CCDC85C: variants seen among roughly 807,000 people sequenced by gnomAD.
The protein encoded by CCDC85C is coiled-coil domain containing 85C.
Under a neutral mutation model 38.3 loss-of-function variants are expected in CCDC85C, and 18 were observed. That is an observed-to-expected ratio of 0.47 (90% CI 0.33 to 0.70). The LOEUF is 0.70. Ranked by LOEUF, CCDC85C falls within the 30% of genes least tolerant of loss-of-function variation. The pLI, the probability that CCDC85C is intolerant of heterozygous loss-of-function variation, is 0.03. For missense variants in CCDC85C, 566 were observed against 621.2 expected (o/e 0.91, Z 0.94); for synonymous variants, 264 against 293.8 (o/e 0.90, Z 1.04).
chr14:99,556,324 G>A (rs1031892637), intron 1 of CCDC85C, among the ~76,000 whole-genome samples: 6 of 152,158 alleles, frequency 3.9e-5, no homozygotes, highest in East Asian at 3.9e-4. Context: ...AGGCTAAGGC[G>A]GGAGGATCAC....
intron 1 of CCDC85C, among the ~76,000 whole-genome samples, chr14:99,598,855 G>A (rs571631575): frequency 1.3e-4 from 20 of 152,340 alleles, no homozygotes; most frequent in African/African-American, 4.8e-4. Context: ...AATTGGGACT[G>A]GGATGCTGTT....
intron 1 of CCDC85C, among the ~76,000 whole-genome samples, chr14:99,546,142 G>A (rs1897803613): frequency 6.6e-6 from 1 of 152,070 alleles, no homozygotes; most frequent in African/African-American, 2.4e-5. Flanking sequence ...AATTTTGCTG[G>A]TTTCAGGAGA....
At chr14:99,536,615 G>A (rs962847574) in intron 1 of CCDC85C, among the ~76,000 whole-genome samples, 3 of 152,210 alleles carry the variant, frequency 2.0e-5, no homozygotes, top group African/African-American at 7.2e-5. Context: ...CACTTCGCCT[G>A]ATCACCCAGG....
At chr14:99,596,547 C>G (rs960023861) in intron 1 of CCDC85C, among the ~76,000 whole-genome samples, 1 of 152,250 alleles carries the variant, frequency 6.6e-6, no homozygotes, top group African/African-American at 2.4e-5. Flanking sequence ...TGCTGAAGAA[C>G]AGGCACCCAT....
chr14:99,521,886 G>GA (rs1337428336), intron 3 of CCDC85C, among the ~76,000 whole-genome samples: 3 of 152,240 alleles, frequency 2.0e-5, no homozygotes, highest in Non-Finnish European at 4.4e-5. Context: ...TGCTCAGAGG[G>GA]ACAGGGGCTA....
chr14:99,516,143 C>G lies in CCDC85C; in HGVS notation c.1170+45G>C. The G allele has an allele frequency of 6.9e-7, 1 of 1,442,846 alleles. No individual in the cohort carries two copies. Among genetic ancestry groups the G allele is most frequent in the Non-Finnish European group, 9.5e-7 (1 of 1,049,230 alleles). 89.4% of individuals were successfully genotyped at this position (1,442,846 alleles called of 1,614,324 possible). A position where few individuals can be genotyped will look rare whatever the true frequency, so the allele number is the denominator to read the frequency against. On this transcript the variant is annotated intron_variant, in intron 5 of 5. Transcript: ENST00000380243. The surrounding 1 kb of genome is among the most constrained non-coding windows in gnomAD (Gnocchi z 5.5). ...TGGCCATGCTGGGTGGCCCTGGTCG[C>G]ACTCCCAGTGCCAAGCCTCTGCCCC...
chr14:99,503,104 AACTCGCAGTCCG>A lies in CCDC85C; in HGVS notation c.*12130_*12141del. On this transcript the variant is annotated 3_prime_UTR_variant, in exon 6 of 6. Transcript: ENST00000380243. ...ACCGGAAGCAGGGGGTGTTCGCCGA[AACTCGCAGTCCG>A]ACTGCTTGTCGGTGGGGAGCCTGAA... is the stretch of plus-strand genomic sequence containing the variant. The A allele has an allele frequency of 8.7e-7, 1 of 1,151,514 alleles. No homozygotes were observed. The highest frequency in any genetic ancestry group is 1.3e-6 in the Non-Finnish European group (1 of 766,258). The allele number at this position is 1,151,514 out of a possible 1,614,324, so 71.3% of individuals were successfully genotyped here.
At chr14:99,524,889 T>C (rs901013642) in intron 2 of CCDC85C, among the ~76,000 whole-genome samples, 2 of 152,092 alleles carry the variant, frequency 1.3e-5, no homozygotes, top group Non-Finnish European at 2.9e-5. Flanking sequence ...CTCGGGTGGC[T>C]CCCTCAGGAC....
At chr14:99,550,393 G>A (rs993797551) in intron 1 of CCDC85C, among the ~76,000 whole-genome samples, 2 of 152,258 alleles carry the variant, frequency 1.3e-5, no homozygotes, top group East Asian at 1.9e-4. Context: ...ACAGGGAAGC[G>A]GGCTCTCCCC....
Position 99,511,602 on chromosome 14 carries a change from C to T in CCDC85C, c.*3644G>A, listed in dbSNP as rs1897132985. 1 of 152,472 alleles carries T rather than the reference C, an allele frequency of 6.6e-6. No individual in the cohort carries two copies. Among genetic ancestry groups the T allele is most frequent in the Admixed American group, 6.5e-5 (1 of 15,278 alleles). 9.4% of individuals were successfully genotyped at this position (152,472 alleles called of 1,614,324 possible). A position where few individuals can be genotyped will look rare whatever the true frequency, so the allele number is the denominator to read the frequency against. On this transcript the variant is annotated 3_prime_UTR_variant, in exon 6 of 6. Coordinates refer to ENST00000380243, the MANE Select transcript of CCDC85C (RefSeq NM_001144995.2). ...AATGTGCAGAGGCCCTCCTTCCAGA[C>T]CCTGGGGACGCGGGAGAGGCCTGGC...
rs1216925615 is a variant in CCDC85C, at chr14:99,501,122, C to T, written c.*14124G>A. 1 of 602,246 alleles carries T rather than the reference C, an allele frequency of 1.7e-6. No homozygotes were observed. The highest frequency in any genetic ancestry group is 1.9e-5 in the African/African-American group (1 of 53,770). The allele number at this position is 602,246 out of a possible 1,614,324, so 37.3% of individuals were successfully genotyped here. A position where few individuals can be genotyped will look rare whatever the true frequency, so the allele number is the denominator to read the frequency against. ...AATGAGGCAGAATTTTTTAAATGGA[C>T]TAATAAACTTAGCCTTGGAGCCAGG... On this transcript the variant is annotated 3_prime_UTR_variant, in exon 6 of 6. Transcript: ENST00000380243.
chr14:99,510,763 G>A lies in CCDC85C; in HGVS notation c.*4483C>T, dbSNP rs762366193. ...ATGCCTCCAGTTGGGGGGCTGGGGC[G>A]GGCAGCCTGGATGAGATAACGTGAG... On this transcript the variant is annotated 3_prime_UTR_variant, in exon 6 of 6. Transcript: ENST00000380243. 3 of 1,463,770 alleles carry A rather than the reference G, an allele frequency of 2.0e-6. No homozygotes were observed. The highest frequency in any genetic ancestry group is 2.7e-6 in the Non-Finnish European group (3 of 1,109,378). The allele number at this position is 1,463,770 out of a possible 1,614,324, so 90.7% of individuals were successfully genotyped here.
chr14:99,501,724 A>C lies in CCDC85C; in HGVS notation c.*13522T>G. ...TTAGAGCCCATTTGGTTTTGCAAAA[A>C]TATACTTCCTGGTATAGTTTTAGAG... On this transcript the variant is annotated 3_prime_UTR_variant, in exon 6 of 6. Coordinates refer to ENST00000380243, the MANE Select transcript of CCDC85C (RefSeq NM_001144995.2). The C allele has an allele frequency of 3.0e-6, 1 of 333,458 alleles. No individual in the cohort carries two copies. The highest frequency in any genetic ancestry group is 5.4e-6 in the Non-Finnish European group (1 of 183,798). 20.7% of individuals were successfully genotyped at this position (333,458 alleles called of 1,614,324 possible). A position where few individuals can be genotyped will look rare whatever the true frequency, so the allele number is the denominator to read the frequency against.
rs1206120712 is a variant in CCDC85C at position 99,505,688 on chromosome 14, A to G, written c.*9558T>C. On this transcript the variant is annotated 3_prime_UTR_variant, in exon 6 of 6. Transcript: ENST00000380243. ...CTGGGCCACATAGGGTGACCCCATC[A>G]CTACACAAAACTTAAAAATCAGCTC... The G allele has an allele frequency of 1.3e-5, 2 of 152,080 alleles. No individual in the cohort carries two copies. The highest frequency in any genetic ancestry group is 6.5e-5 in the Admixed American group (1 of 15,270). 9.4% of individuals were successfully genotyped at this position (152,080 alleles called of 1,614,324 possible).
intron 1 of CCDC85C, among the ~76,000 whole-genome samples, chr14:99,547,034 TC>T (rs1897820991): frequency 6.6e-6 from 1 of 151,838 alleles, no homozygotes; most frequent in African/African-American, 2.4e-5. Flanking sequence ...ACACTTTTTT[TC>T]CTGAGGTCAG....
chr14:99,561,813 C>T (rs1220479583), intron 1 of CCDC85C, among the ~76,000 whole-genome samples: 1 of 152,174 alleles, frequency 6.6e-6, no homozygotes, highest in Non-Finnish European at 1.5e-5. Context: ...AGCAGGGAGA[C>T]GGCCTTAGGT....
chr14:99,531,044 C>T (rs1051400044), intron 2 of CCDC85C, among the ~76,000 whole-genome samples: 2 of 152,246 alleles, frequency 1.3e-5, no homozygotes, highest in Admixed American at 6.5e-5. Context: ...AATCCACCTT[C>T]ATCCAGACCT....
In CCDC85C at chr14:99,500,359, C is replaced by G. The variant is rs1896794236; in HGVS notation, c.*14887G>C. 2 of 201,582 alleles carry G rather than the reference C, an allele frequency of 9.9e-6. No individual in the cohort carries two copies. Among genetic ancestry groups the G allele is most frequent in the Admixed American group, 1.1e-4 (2 of 18,374 alleles). The allele number at this position is 201,582 out of a possible 1,614,324, so 12.5% of individuals were successfully genotyped here. A position where few individuals can be genotyped will look rare whatever the true frequency, so the allele number is the denominator to read the frequency against. On this transcript the variant is annotated 3_prime_UTR_variant, in exon 6 of 6. Coordinates refer to ENST00000380243, the MANE Select transcript of CCDC85C (RefSeq NM_001144995.2). ...TTCATGAGGCTGGCTATCATAAACT[C>G]TTTCTTGCTTAAAATGTTTTCAATG...
rs955746325 is a variant in CCDC85C at position 99,533,581 on chromosome 14, G to A, written c.867+2434C>T. On this transcript the variant is annotated intron_variant, in intron 2 of 5. Transcript: ENST00000380243. This position sits in a 1 kb window ranked among gnomAD's most constrained non-coding sequence, Gnocchi z 4.2. Reference sequence around the variant, plus strand: ...CTGCAGCCAGCAAGCCTGTGTCCAGGCAAGGGTCAGCAGCTCCCCAGCCAT... The same window carrying A: ...CTGCAGCCAGCAAGCCTGTGTCCAGACAAGGGTCAGCAGCTCCCCAGCCAT... 3.9e-5 allele frequency among the ~76,000 whole-genome samples: 6 copies of A among 152,212 alleles called. No individual in the cohort carries two copies. The highest frequency in any genetic ancestry group is 8.8e-5 in the Non-Finnish European group (6 of 68,028).
Sources: allele counts gnomAD v4.1 joint callset (sites outside exome capture counted in the v4.1 genomes callset), GRCh38; gene constraint gnomAD v4.1.1; non-coding constraint Gnocchi (gnomAD v3.1); transcripts MANE v1.5; gene names NCBI Gene and HGNC (gene_info 2026-07-23, HGNC 2026-07-21).